The following PPP1R3A variants were observed in gnomAD, a reference collection of about 807,000 sequenced individuals.
PPP1R3A encodes the protein protein phosphatase 1 regulatory subunit 3A.
A neutral mutation model predicts 41.7 loss-of-function variants in PPP1R3A; 29 were observed. The observed-to-expected ratio is 0.70, with a 90% CI of 0.52 to 0.95. The LOEUF is 0.95. Ranked by LOEUF, PPP1R3A falls within the 40% of genes least tolerant of loss-of-function variation. The pLI is 0.00. For synonymous variants in PPP1R3A, 485 were observed against 453.4 expected, an observed-to-expected ratio of 1.07 and a Z score of -0.89; for missense variants, 1,352 against 1,292.4, an observed-to-expected ratio of 1.05 and a Z score of -0.71.
intron 1 of PPP1R3A, among the ~76,000 whole-genome samples, chr7:113,900,508 C>T (rs1206957922): frequency 6.6e-6 from 1 of 151,082 alleles, no homozygotes; most frequent in Non-Finnish European, 1.5e-5. Flanking sequence ...ATTACACTTG[C>T]AGTCTTTCAG....
At chr7:113,887,027 C>T (rs185661074) in intron 1 of PPP1R3A, among the ~76,000 whole-genome samples, 11 of 152,230 alleles carry the variant, frequency 7.2e-5, no homozygotes, top group South Asian at 2.1e-4. Context: ...TGCACAGCAT[C>T]GTCTCCACCC....
intron 1 of PPP1R3A, among the ~76,000 whole-genome samples, chr7:113,914,023 T>G (rs893427183): frequency 6.6e-6 from 1 of 152,088 alleles, no homozygotes; most frequent in African/African-American, 2.4e-5. Context: ...AAACATTTGT[T>G]GAATAAGTTT....
intron 2 of PPP1R3A, 26 bp from the exon 3 acceptor site, chr7:113,882,189 A>T (rs760511738): frequency 1.2e-6 from 2 of 1,607,166 alleles, no homozygotes; most frequent in South Asian, 2.2e-5. Flanking sequence ...AATTGTGCCT[A>T]TGTAAGATTG....
chr7:113,877,463 T>C lies in PPP1R3A; in HGVS notation c.*260A>G. 1 of 341,162 alleles carries C rather than the reference T, an allele frequency of 2.9e-6. No homozygotes were observed. 21.1% of individuals were successfully genotyped at this position (341,162 alleles called of 1,614,324 possible). A position where few individuals can be genotyped will look rare whatever the true frequency, so the allele number is the denominator to read the frequency against. On this transcript the variant is annotated 3_prime_UTR_variant, in exon 4 of 4. Transcript: ENST00000284601. Reference sequence around the variant, plus strand: ...GAAGCATTGCAACTTCATAGCCTGCTAAGGAGCAACAGCTGTACCTAATTT... The same window carrying C: ...GAAGCATTGCAACTTCATAGCCTGCCAAGGAGCAACAGCTGTACCTAATTT...
At chr7:113,910,813 C>G (rs1040155440) in intron 1 of PPP1R3A, among the ~76,000 whole-genome samples, 1 of 152,038 alleles carries the variant, frequency 6.6e-6, no homozygotes, top group Admixed American at 6.6e-5. Context: ...CTAAATACCA[C>G]GGATGATATT....
In PPP1R3A at chr7:113,877,951, G is replaced by A. The variant is rs1443843448; in HGVS notation, c.3141C>T (p.Asp1047=). 9 of 1,613,406 alleles carry A rather than the reference G, an allele frequency of 5.6e-6. No individual in the cohort carries two copies. Among genetic ancestry groups the A allele is most frequent in the Middle Eastern group, 1.7e-4 (1 of 6,058 alleles). Reference sequence around the variant, plus strand: ...CAGGAAGACTAGTAGAAGCAGAGCTGTCAGATTCCTTTTCACCTGAAGTGT... The same window carrying A: ...CAGGAAGACTAGTAGAAGCAGAGCTATCAGATTCCTTTTCACCTGAAGTGT... ...SLYTSGEKES[D]SSASTSLPVE... Residue 1047 remains aspartate (D), a synonymous_variant, in exon 4 of 4, where the codon GAC becomes GAT. Coordinates refer to ENST00000284601, the MANE Select transcript of PPP1R3A (RefSeq NM_002711.4).
chr7:113,878,254 A>G lies in PPP1R3A; in HGVS notation c.2838T>C (p.Ile946=). The change falls in exon 4 of 4, where the codon ATT becomes ATC. Residue 946 remains isoleucine (I), a synonymous_variant. Coordinates refer to ENST00000284601, the MANE Select transcript of PPP1R3A (RefSeq NM_002711.4). ...NAVTTMASQP[I]STKSENICNS... The stretch of plus-strand genomic sequence containing the variant: ...TACAAATATTTTCTGATTTCGTAGA[A>G]ATAGGTTGGCTAGCCATGGTAGTAA... 6.2e-7 allele frequency: 1 copy of G among 1,613,220 alleles called. No individual in the cohort carries two copies. The highest frequency in any genetic ancestry group is 1.1e-5 in the South Asian group (1 of 91,068).
chr7:113,889,381 G>T (rs2129116113), intron 1 of PPP1R3A, among the ~76,000 whole-genome samples: 1 of 152,218 alleles, frequency 6.6e-6, no homozygotes, highest in South Asian at 2.1e-4. Flanking sequence ...CTAAAAGGAT[G>T]GAACCACCAT....
chr7:113,886,825 T>C (rs1024223110), intron 1 of PPP1R3A, among the ~76,000 whole-genome samples: 4 of 152,044 alleles, frequency 2.6e-5, no homozygotes, highest in Non-Finnish European at 5.9e-5. Flanking sequence ...AAAAGACAAA[T>C]TGATGGTTGA....
At position 113,878,120 on chromosome 7, in the gene PPP1R3A, C is replaced by T. The variant is rs374950521; in HGVS notation, c.2972G>A (p.Arg991Lys). The change falls in exon 4 of 4, where the codon AGA becomes AAA. Residue 991 changes from arginine (R) to lysine (K), a missense_variant. Arg to Lys is a conservative substitution (Grantham distance 26). Transcript: ENST00000284601. ...GIVTSGSRKE[R>K]CIGQIFQTEE... ...TGTTTGGAAAATCTGGCCTATGCATCTTTCTTTTCTACTACCTGATGTCAC... is the reference window on the plus strand; with the variant it reads ...TGTTTGGAAAATCTGGCCTATGCATTTTTCTTTTCTACTACCTGATGTCAC... The T allele has an allele frequency of 1.8e-4, 298 of 1,613,366 alleles. No homozygotes were observed. Among genetic ancestry groups the T allele is most frequent in the Middle Eastern group, 1.5e-3 (9 of 6,062 alleles).
At chr7:113,880,216 A>T in intron 3 of PPP1R3A, 91 bp from the exon 4 acceptor site, 5 of 1,130,168 alleles carry the variant, frequency 4.4e-6, no homozygotes, top group Middle Eastern at 6.0e-4. Context: ...TCGGCTAGTA[A>T]TTATCTGGTA....
chr7:113,882,280 C>A lies in PPP1R3A; in HGVS notation c.823G>T (p.Glu275Ter). ...ATATTACCTGTATTCTTTGGATTCT[C>A]AAAGTTATTTTCTTCTGATGTTACT... ...SSVTSEENNF[E>*]NPKNTDTYIP... Residue 275 changes from glutamate (E) to a stop codon, truncating the protein, a stop_gained, in exon 2 of 4, where the codon GAG (glutamate) becomes TAG (stop). Coordinates refer to ENST00000284601, the MANE Select transcript of PPP1R3A (RefSeq NM_002711.4). LOFTEE classifies it high-confidence loss of function. The A allele has an allele frequency of 6.7e-7, 1 of 1,492,472 alleles. No individual in the cohort carries two copies. The highest frequency in any genetic ancestry group is 1.1e-5 in the South Asian group (1 of 88,310). 92.5% of individuals were successfully genotyped at this position (1,492,472 alleles called of 1,614,324 possible). A position where few individuals can be genotyped will look rare whatever the true frequency, so the allele number is the denominator to read the frequency against.
Position 113,882,019 on chromosome 7 carries a change from G to T in PPP1R3A, c.966+20C>A, listed in dbSNP as rs773566638. ...AAATGGATTCATCTTCTCTAATACC[G>T]TGGCAACCAGAACACTTACCATCAA... On this transcript the variant is annotated intron_variant, in intron 3 of 3. Coordinates refer to ENST00000284601, the MANE Select transcript of PPP1R3A (RefSeq NM_002711.4). The T allele has an allele frequency of 7.4e-6, 12 of 1,611,358 alleles. No homozygotes were observed. Among genetic ancestry groups the T allele is most frequent in the Non-Finnish European group, 1.0e-5 (12 of 1,178,200 alleles).
intron 1 of PPP1R3A, among the ~76,000 whole-genome samples, chr7:113,903,086 A>G (rs1797091867): frequency 6.6e-6 from 1 of 151,754 alleles, no homozygotes; most frequent in Non-Finnish European, 1.5e-5. Context: ...CCTGGAAGTC[A>G]CTGGTATTAC....
intron 1 of PPP1R3A, among the ~76,000 whole-genome samples, chr7:113,887,191 C>T (rs1796799307): frequency 6.6e-6 from 1 of 151,802 alleles, no homozygotes; most frequent in South Asian, 2.1e-4. Context: ...GAGTTCAGGA[C>T]AATGTTTTCA....
intron 1 of PPP1R3A, among the ~76,000 whole-genome samples, chr7:113,890,806 A>G (rs1016537542): frequency 3.9e-5 from 6 of 152,068 alleles, no homozygotes; most frequent in Non-Finnish European, 8.8e-5. Flanking sequence ...TCATTCAAAA[A>G]TGTGAGTTCT....
At chr7:113,912,264 C>A (rs549122204) in intron 1 of PPP1R3A, among the ~76,000 whole-genome samples, 2 of 152,056 alleles carry the variant, frequency 1.3e-5, no homozygotes, top group South Asian at 4.1e-4. Flanking sequence ...CAGACATTTC[C>A]ATTTTCTCAA....
At position 113,918,198 on chromosome 7, in the gene PPP1R3A, G is replaced by GTAA. The variant is rs747469243; in HGVS notation, c.782+14_782+16dup. 31 of 1,569,722 alleles carry GTAA rather than the reference G, an allele frequency of 2.0e-5. No homozygotes were observed. The highest frequency in any genetic ancestry group is 2.7e-5 in the Non-Finnish European group (31 of 1,160,802). On this transcript the variant is annotated intron_variant, in intron 1 of 3. Transcript: ENST00000284601. ...TTTAAGATTGTGAATAATAAAATATGTAAGATATATCCTCACCTTGATTTT... is the reference window on the plus strand; with the variant it reads ...TTTAAGATTGTGAATAATAAAATATGTAATAAGATATATCCTCACCTTGATTTT...
intron 1 of PPP1R3A, among the ~76,000 whole-genome samples, chr7:113,888,348 G>A (rs1327389637): frequency 6.6e-6 from 1 of 152,090 alleles, no homozygotes; most frequent in Non-Finnish European, 1.5e-5. Flanking sequence ...AGAGGCTCCT[G>A]AAACATTTCA....
Sources: gnomAD v4.1 joint callset for allele counts (sites outside exome capture counted in the v4.1 genomes callset) on GRCh38, gnomAD v4.1.1 for gene constraint, MANE v1.5 for transcripts, NCBI Gene and HGNC (gene_info 2026-07-23, HGNC 2026-07-21) for gene names.